CRYL1: variants seen among roughly 807,000 people sequenced by gnomAD.
CRYL1 encodes the protein lambda-crystallin homolog.
A neutral mutation model predicts 36.6 loss-of-function variants in CRYL1; 29 were observed. That is an observed-to-expected ratio of 0.79 (90% confidence interval 0.59 to 1.08). The LOEUF (loss-of-function observed/expected upper bound fraction) is 1.08. Ranked by LOEUF, CRYL1 falls within the 50% of genes least tolerant of loss-of-function variation. The pLI is 0.00. For synonymous variants in CRYL1, 152 were observed against 151.5 expected, an observed-to-expected ratio of 1.00 and a Z score of -0.02; for missense variants, 411 against 407.9, an observed-to-expected ratio of 1.01 and a Z score of -0.06.
chr13:20,458,394 G>A (rs2032732283), intron 3 of CRYL1, among the ~76,000 whole-genome samples: 1 of 152,142 alleles, frequency 6.6e-6, no homozygotes, highest in Non-Finnish European at 1.5e-5. Context: ...ACAGGAGCTT[G>A]ACTAATTCCT....
At position 20,415,672 on chromosome 13, in the gene CRYL1, A is replaced by C. The variant is rs558283665; in HGVS notation, c.634-2285T>G. On this transcript the variant is annotated intron_variant, in intron 5 of 7. Coordinates refer to ENST00000298248, the MANE Select transcript of CRYL1 (RefSeq NM_015974.3). This position sits in a 1 kb window ranked among gnomAD's most constrained non-coding sequence, Gnocchi z 4.1. ...AGTCCACGTTTCCAGGAGAATTACA[A>C]AGCAAACGCTTGGCCTCGCCTGCCG... 6.6e-6 allele frequency among the ~76,000 whole-genome samples: 1 copy of C among 152,256 alleles called. No individual in the cohort carries two copies. Among genetic ancestry groups the C allele is most frequent in the East Asian group, 1.9e-4 (1 of 5,168 alleles).
rs144457142 is a variant in CRYL1, at chr13:20,406,363, A to G, written c.740-1622T>C. Among the ~76,000 whole-genome samples, 1,302 of 152,328 alleles carry G rather than the reference A, an allele frequency of 8.5e-3. 9 individuals carry two copies. Among genetic ancestry groups the G allele is most frequent in the African/African-American group, 0.029 (1,220 of 41,578 alleles). On this transcript the variant is annotated intron_variant, in intron 6 of 7. Transcript: ENST00000298248. ...GGGTTGCAATTTATTTGCTTCAAAT[A>G]GTTCTTCTCTCTCAGTGTGTTAAAA...
intron 2 of CRYL1, among the ~76,000 whole-genome samples, chr13:20,493,051 A>C (rs1461742903): frequency 2.0e-5 from 3 of 152,132 alleles, no homozygotes; most frequent in Non-Finnish European, 4.4e-5. Context: ...AGAGAACTCT[A>C]GCTTCTGTCA....
At position 20,425,169 on chromosome 13, in the gene CRYL1, G is replaced by T. The variant is rs1018054495; in HGVS notation, c.633+6933C>A. 6.6e-6 allele frequency among the ~76,000 whole-genome samples: 1 copy of T among 152,184 alleles called. No individual in the cohort carries two copies. Among genetic ancestry groups the T allele is most frequent in the African/African-American group, 2.4e-5 (1 of 41,450 alleles). On this transcript the variant is annotated intron_variant, in intron 5 of 7. Coordinates refer to ENST00000298248, the MANE Select transcript of CRYL1 (RefSeq NM_015974.3). This position sits in a 1 kb window ranked among gnomAD's most constrained non-coding sequence, Gnocchi z 4.4. ...TCACTTCCAACGCCGTCCTTCCCCA[G>T]AAAAGCTGCCAGCAGGACCCCGTCT...
chr13:20,438,406 T>C (rs1328220069), intron 4 of CRYL1, among the ~76,000 whole-genome samples: 2 of 152,128 alleles, frequency 1.3e-5, no homozygotes, highest in African/African-American at 4.8e-5. Flanking sequence ...ACCTTCATGT[T>C]ACCCTCCCCA....
chr13:20,518,460 C>A (rs1331128925), intron 1 of CRYL1, among the ~76,000 whole-genome samples: 1 of 151,930 alleles, frequency 6.6e-6, no homozygotes. Context: ...TGGTGCTCTG[C>A]TGGAGGGGCG....
rs553548493 is a variant in CRYL1 at position 20,511,968 on chromosome 13, C to T, written c.149+475G>A. 5.3e-5 allele frequency among the ~76,000 whole-genome samples: 8 copies of T among 152,376 alleles called. No homozygotes were observed. The South Asian group carries it at 1.4e-3, about 28-fold the overall frequency. On this transcript the variant is annotated intron_variant, in intron 2 of 7. Coordinates refer to ENST00000298248, the MANE Select transcript of CRYL1 (RefSeq NM_015974.3). ...ACATAAACAGCTCCAGTTCTGTCCTCTCACATGAGTGCTAAACCTCTAACT... is the reference window on the plus strand; with the variant it reads ...ACATAAACAGCTCCAGTTCTGTCCTTTCACATGAGTGCTAAACCTCTAACT...
At chr13:20,454,474 G>A (rs1478873900) in intron 3 of CRYL1, among the ~76,000 whole-genome samples, 1 of 146,148 alleles carries the variant, frequency 6.8e-6, no homozygotes, top group Non-Finnish European at 1.5e-5. Context: ...CTGGAGTGCA[G>A]TGGTGCGATC....
At chr13:20,454,563 G>A (rs929844716) in intron 3 of CRYL1, among the ~76,000 whole-genome samples, 11 of 151,836 alleles carry the variant, frequency 7.2e-5, no homozygotes, top group Admixed American at 5.9e-4. Context: ...GACTACACGC[G>A]CCTGCCACCA....
At chr13:20,413,470 A>G (rs1031062490) in intron 5 of CRYL1, 83 bp from the exon 6 acceptor site, 19 of 816,856 alleles carry the variant, frequency 2.3e-5, no homozygotes, top group Non-Finnish European at 3.7e-5. Flanking sequence ...ACTTCTTTAG[A>G]GCAGGATCCC....
intron 5 of CRYL1, 34 bp from the exon 6 acceptor site, chr13:20,413,421 T>C (rs747630994): frequency 7.2e-7 from 1 of 1,383,402 alleles, no homozygotes; most frequent in Non-Finnish European, 1.0e-6. Context: ...TAGATGAGTT[T>C]TGTAAAAAGA....
chr13:20,524,686 C>T (rs967757490), intron 1 of CRYL1, among the ~76,000 whole-genome samples: 4 of 152,202 alleles, frequency 2.6e-5, no homozygotes, highest in Middle Eastern at 3.4e-3. Flanking sequence ...CCAAAGTGCA[C>T]TTTTTAATAT....
chr13:20,418,773 A>G (rs1200763053), intron 5 of CRYL1: 3 of 152,186 alleles, frequency 2.0e-5, no homozygotes, highest in Non-Finnish European at 4.4e-5. Context: ...TACTACTACT[A>G]TCACCAGCAG....
chr13:20,426,233 A>C (rs2031931885), intron 5 of CRYL1, among the ~76,000 whole-genome samples: 1 of 149,998 alleles, frequency 6.7e-6, no homozygotes, highest in African/African-American at 2.5e-5. Context: ...TTGTTCATTC[A>C]TTCTAATATG....
intron 5 of CRYL1, chr13:20,431,436 G>A (rs933649056): frequency 1.0e-6 from 1 of 985,288 alleles, no homozygotes; most frequent in Non-Finnish European, 1.2e-6. Flanking sequence ...AGGCCGGACA[G>A]TTCCACTCCC....
chr13:20,515,483 T>C (rs1313419991), intron 1 of CRYL1, among the ~76,000 whole-genome samples: 1 of 152,060 alleles, frequency 6.6e-6, no homozygotes, highest in East Asian at 1.9e-4. Flanking sequence ...TTAAATTTAG[T>C]TGAGTAGAAG....
At chr13:20,404,326 CTG>C in intron 7 of CRYL1, 84 bp from the exon 8 acceptor site, 8 of 935,542 alleles carry the variant, frequency 8.6e-6, no homozygotes, top group South Asian at 4.3e-5. Context: ...TTTATGCAAA[CTG>C]TGCAGAAACT....
At chr13:20,446,849 G>C (rs533019886) in intron 3 of CRYL1, among the ~76,000 whole-genome samples, 1 of 152,200 alleles carries the variant, frequency 6.6e-6, no homozygotes, top group African/African-American at 2.4e-5. Flanking sequence ...CTTTAATTTG[G>C]GGATAGTGCT....
chr13:20,495,594 G>A (rs987395697), intron 2 of CRYL1, among the ~76,000 whole-genome samples: 7 of 152,180 alleles, frequency 4.6e-5, no homozygotes, highest in African/African-American at 1.4e-4. Context: ...AACTCAAAAA[G>A]TTAAAAATAG....
Sources: allele counts gnomAD v4.1 joint callset (sites outside exome capture counted in the v4.1 genomes callset), GRCh38; gene constraint gnomAD v4.1.1; non-coding constraint Gnocchi (gnomAD v3.1); transcripts MANE v1.5; gene names NCBI Gene and HGNC (gene_info 2026-07-23, HGNC 2026-07-21).